Variants in TXNRD2 observed in about 807,000 individuals in gnomAD.
TXNRD2 encodes the protein thioredoxin reductase 2.
In TXNRD2, 67 loss-of-function variants were observed where a neutral mutation model predicts 70.8. That is an observed-to-expected ratio of 0.95 (90% CI 0.78 to 1.16). The LOEUF (loss-of-function observed/expected upper bound fraction) is 1.16. Among genes scored for constraint, TXNRD2 ranks in the 50% most tolerant of loss-of-function variants. The probability of loss-of-function intolerance (pLI) is 0.00; values close to 1 mark genes in which losing one functional copy is unlikely to be tolerated. For synonymous variants in TXNRD2, 301 were observed against 295.8 expected (o/e 1.02, Z -0.18); for missense variants, 644 against 719.9 (o/e 0.89, Z 1.21).
In TXNRD2 at chr22:19,877,061, C is replaced by T. The variant is rs992470087; in HGVS notation, c.*44G>A. 1.3e-6 allele frequency: 2 copies of T among 1,569,778 alleles called. No homozygotes were observed. Among genetic ancestry groups the T allele is most frequent in the African/African-American group, 2.7e-5 (2 of 74,402 alleles). On this transcript the variant is annotated 3_prime_UTR_variant, in exon 17 of 18. Coordinates refer to ENST00000400521, the MANE Select transcript of TXNRD2 (RefSeq NM_006440.5). ...ATACCTGGGTCTGGCCTCCGAGGAG[C>T]TGGCGGCGGGCGCACCGTGTGCCCT...
rs78545354 is a variant in TXNRD2 at position 19,907,905 on chromosome 22, G to A, written c.662+3472C>T. Among the ~76,000 whole-genome samples, 51 of 53,662 alleles carry A rather than the reference G, an allele frequency of 9.5e-4. 6 individuals are homozygous for A. Among genetic ancestry groups the A allele is most frequent in the South Asian group, 5.0e-3 (4 of 794 alleles). 35.2% of individuals were successfully genotyped at this position (53,662 alleles called of 152,430 possible). A position where few individuals can be genotyped will look rare whatever the true frequency, so the allele number is the denominator to read the frequency against. On this transcript the variant is annotated intron_variant, in intron 8 of 17. Coordinates refer to ENST00000400521, the MANE Select transcript of TXNRD2 (RefSeq NM_006440.5). ...GTGGGCGCCGTGGGTAGCAGTGACC[G>A]CTCTCAGGAGAGTGTGGGCACACCA...
At chr22:19,913,086 G>T (rs1037194850) in intron 7 of TXNRD2, among the ~76,000 whole-genome samples, 1 of 152,076 alleles carries the variant, frequency 6.6e-6, no homozygotes, top group Non-Finnish European at 1.5e-5. Context: ...CTCACCCCCA[G>T]CCCATTTGCT....
chr22:19,921,214 A>C (rs1029566281), intron 2 of TXNRD2, among the ~76,000 whole-genome samples: 3 of 151,994 alleles, frequency 2.0e-5, no homozygotes, highest in Non-Finnish European at 4.4e-5. Context: ...CAGGAGTTTG[A>C]GACCAGCCTG....
chr22:19,930,636 G>A (rs1453329849), intron 2 of TXNRD2, among the ~76,000 whole-genome samples: 1 of 152,174 alleles, frequency 6.6e-6, no homozygotes, highest in African/African-American at 2.4e-5. Context: ...GCAGCTAGCC[G>A]GGCAGGGGCA....
chr22:19,925,575 A>C (rs5993872), intron 2 of TXNRD2, among the ~76,000 whole-genome samples: 33,606 of 151,754 alleles, frequency 0.22, 4,249 homozygotes, highest in Middle Eastern at 0.34. Context: ...GTAACAGTAA[A>C]CACATGATAT....
At chr22:19,920,939 A>G (rs1569104647) in intron 2 of TXNRD2, among the ~76,000 whole-genome samples, 1 of 143,926 alleles carries the variant, frequency 6.9e-6, no homozygotes, top group Non-Finnish European at 1.5e-5. Flanking sequence ...TGTCTCTACT[A>G]AAAAATACAA....
intron 3 of TXNRD2, 115 bp downstream of exon 3, chr22:19,919,428 A>C: frequency 1.1e-6 from 1 of 948,744 alleles, no homozygotes; most frequent in Non-Finnish European, 1.7e-6. Context: ...CACTGTCCAG[A>C]AACCATGGAC....
chr22:19,881,406 C>A (rs879127252), intron 12 of TXNRD2: 17 of 243,194 alleles, frequency 7.0e-5, no homozygotes, highest in African/African-American at 3.9e-4. Flanking sequence ...TCCCGGCGGG[C>A]GGCGCACAGC....
intron 1 of TXNRD2, among the ~76,000 whole-genome samples, chr22:19,934,401 A>AAAAC: frequency 6.7e-6 from 1 of 148,856 alleles, no homozygotes; most frequent in Non-Finnish European, 1.5e-5. Flanking sequence ...AAAAAAAAAA[A>AAAAC]CTGCACCCCT....
chr22:19,911,367 C>T lies in TXNRD2; in HGVS notation c.662+10G>A. 1 of 1,612,150 alleles carries T rather than the reference C, an allele frequency of 6.2e-7. No homozygotes were observed. The highest frequency in any genetic ancestry group is 8.5e-7 in the Non-Finnish European group (1 of 1,178,246). Reference sequence around the variant, plus strand: ...AAAAGAGGACCCCACCAAGCACGCGCAGGCCTTACGTTTTTCCAGGGGATT... The same window carrying T: ...AAAAGAGGACCCCACCAAGCACGCGTAGGCCTTACGTTTTTCCAGGGGATT... On this transcript the variant is annotated intron_variant, in intron 8 of 17. Coordinates refer to ENST00000400521, the MANE Select transcript of TXNRD2 (RefSeq NM_006440.5).
At chr22:19,940,421 G>A (rs1199422237) in intron 1 of TXNRD2, among the ~76,000 whole-genome samples, 1 of 152,086 alleles carries the variant, frequency 6.6e-6, no homozygotes. Context: ...TTGCATAGAA[G>A]GTTCAGTTTG....
intron 1 of TXNRD2, among the ~76,000 whole-genome samples, chr22:19,932,160 C>CA (rs35254160): frequency 0.041 from 3,348 of 80,764 alleles, 71 homozygotes; most frequent in Non-Finnish European, 0.059. Context: ...GACTCCGTCT[C>CA]AAAAAAAAAA....
At position 19,915,814 on chromosome 22, in the gene TXNRD2, C is replaced by A; in HGVS notation, c.479G>T (p.Ser160Ile). ...RKVKYFNIKA[S>I]FVDEHTVCGV... is the part of the protein sequence containing the mutation. Reference sequence around the variant, plus strand: ...GCAAACCGTGTGCTCGTCAACAAAGCTGGCTTTGATGTTAAAGTACTTGAC... The same window carrying A: ...GCAAACCGTGTGCTCGTCAACAAAGATGGCTTTGATGTTAAAGTACTTGAC... The change falls in exon 6 of 18, where the codon AGC (serine) becomes ATC (isoleucine). Residue 160 changes from serine to isoleucine, a missense_variant. Physicochemically the swap from Ser to Ile is moderately radical, Grantham distance 142. This residue lies in a region of TXNRD2 where 566 missense variants were observed against 645.0 expected (regional missense o/e 0.88). Coordinates refer to ENST00000400521, the MANE Select transcript of TXNRD2 (RefSeq NM_006440.5). 1 of 1,614,188 alleles carries A rather than the reference C, an allele frequency of 6.2e-7. No individual in the cohort carries two copies. Among genetic ancestry groups the A allele is most frequent in the Non-Finnish European group, 8.5e-7 (1 of 1,180,042 alleles).
chr22:19,921,570 A>G (rs1194992549), intron 2 of TXNRD2, among the ~76,000 whole-genome samples: 3 of 152,130 alleles, frequency 2.0e-5, no homozygotes, highest in Non-Finnish European at 4.4e-5. Flanking sequence ...CATGTCAGGT[A>G]ACAAAGGACC....
intron 4 of TXNRD2, 119 bp downstream of exon 4, chr22:19,918,741 C>A (rs1043938465): frequency 1.1e-5 from 14 of 1,287,468 alleles, no homozygotes; most frequent in Non-Finnish European, 1.3e-5. Context: ...TCGCCCCTGG[C>A]TGAGAAACCC....
Position 19,920,848 on chromosome 22 carries a change from A to G in TXNRD2, c.173-1249T>C, listed in dbSNP as rs374661754. ...CTGGGTGCAGCGGCTCATGCCTGTA[A>G]TCCCAGCACTTTGGGAGGCCAAGGT... On this transcript the variant is annotated intron_variant, in intron 2 of 17. Coordinates refer to ENST00000400521, the MANE Select transcript of TXNRD2 (RefSeq NM_006440.5). Among the ~76,000 whole-genome samples, 482 of 152,362 alleles carry G rather than the reference A, an allele frequency of 3.2e-3. 4 individuals carry two copies. Among genetic ancestry groups the G allele is most frequent in the African/African-American group, 0.01 (424 of 41,590 alleles).
chr22:19,898,994 A>C, intron 9 of TXNRD2, 55 bp downstream of exon 9: 1 of 1,601,544 alleles, frequency 6.2e-7, no homozygotes, highest in Non-Finnish European at 8.5e-7. Context: ...GGAGGGACTC[A>C]AGGGAAGGAG....
intron 8 of TXNRD2, among the ~76,000 whole-genome samples, chr22:19,900,279 C>T (rs1006112245): frequency 2.6e-5 from 4 of 152,202 alleles, no homozygotes; most frequent in African/African-American, 7.2e-5. Context: ...TTCCCAGCCC[C>T]GCTCAGGGCC....
rs1938606312 is a variant in TXNRD2, at chr22:19,878,381, G to T, written c.1332C>A (p.Ser444=). 6.2e-7 allele frequency: 1 copy of T among 1,613,824 alleles called. No individual in the cohort carries two copies. The highest frequency in any genetic ancestry group is 8.5e-7 in the Non-Finnish European group (1 of 1,180,026). Residue 444 remains serine (S), a synonymous_variant, in exon 15 of 18, where the codon TCC becomes TCA. Transcript: ENST00000400521. ...GGATGCTCACCTTTACATAACACTG[G>T]GATGCATCTCGTCCAGCCACCGTGA... ...LEFTVAGRDA[S]QCYVKMVCLR... is the part of the protein sequence containing the mutation.
Sources: gnomAD v4.1 joint callset for allele counts (sites outside exome capture counted in the v4.1 genomes callset) on GRCh38, gnomAD v4.1.1 for gene constraint, gnomAD v4.1.1 regional missense constraint, MANE v1.5 for transcripts, NCBI Gene and HGNC (gene_info 2026-07-23, HGNC 2026-07-21) for gene names.